The following ATP9A variants were observed in gnomAD, a reference collection of about 807,000 sequenced individuals.
ATP9A encodes ATPase phospholipid transporting 9A.
In ATP9A, 52 loss-of-function variants were observed where a neutral mutation model predicts 144.1. The ratio of observed to expected loss-of-function variants is 0.36; its 90% CI spans 0.29 to 0.45. ATP9A has a LOEUF of 0.45. Ranked by LOEUF, ATP9A falls within the 20% of genes least tolerant of loss-of-function variation. The pLI is 1.00. For missense variants in ATP9A, 947 were observed against 1,392.7 expected (o/e 0.68, Z 5.09); for synonymous variants, 582 against 557.4 (o/e 1.04, Z -0.62).
chr20:51,754,984 G>A (rs1323911338), intron 1 of ATP9A, among the ~76,000 whole-genome samples: 3 of 151,716 alleles, frequency 2.0e-5, no homozygotes, highest in African/African-American at 7.3e-5. Context: ...CAGGTATGGT[G>A]GCATACACCT....
chr20:51,727,248 C>G (rs2077718748), intron 2 of ATP9A, among the ~76,000 whole-genome samples: 1 of 151,014 alleles, frequency 6.6e-6, no homozygotes, highest in South Asian at 2.1e-4. Context: ...ACACTCCAGC[C>G]TGGGTGACAG....
intron 1 of ATP9A, among the ~76,000 whole-genome samples, chr20:51,765,714 C>T (rs1162703159): frequency 1.4e-5 from 2 of 146,496 alleles, no homozygotes; most frequent in African/African-American, 2.5e-5. Context: ...CCAGCACTTT[C>T]GGAGGCCAAG....
chr20:51,689,321 G>A (rs1437971414), intron 8 of ATP9A, among the ~76,000 whole-genome samples, 182 bp from the exon 9 acceptor site: 2 of 151,988 alleles, frequency 1.3e-5, no homozygotes, highest in African/African-American at 2.4e-5. Flanking sequence ...TACTGCCCTT[G>A]GGGTTTTCAT....
intron 1 of ATP9A, among the ~76,000 whole-genome samples, chr20:51,766,112 G>A (rs193122664): frequency 6.6e-6 from 1 of 152,246 alleles, no homozygotes; most frequent in East Asian, 1.9e-4. Flanking sequence ...TCACGCTAAT[G>A]ATCACTTTTG....
chr20:51,597,386 G>A lies in ATP9A; in HGVS notation c.*3825C>T, dbSNP rs888096369. The A allele has an allele frequency of 1.3e-5, 2 of 152,104 alleles. No individual in the cohort carries two copies. Among genetic ancestry groups the A allele is most frequent in the Non-Finnish European group, 2.9e-5 (2 of 68,028 alleles). 9.4% of individuals were successfully genotyped at this position (152,104 alleles called of 1,614,324 possible). On this transcript the variant is annotated 3_prime_UTR_variant, in exon 28 of 28. Coordinates refer to ENST00000338821, the MANE Select transcript of ATP9A (RefSeq NM_006045.3). ...CAAAAAAGCTGTACATTAAAAGAAG[G>A]GGGAGAAATAAAATGTGTTGTATTT...
intron 3 of ATP9A, among the ~76,000 whole-genome samples, chr20:51,724,878 A>C (rs923571440): frequency 6.6e-5 from 10 of 152,244 alleles, no homozygotes; most frequent in Non-Finnish European, 1.2e-4. Flanking sequence ...GTTAAAAAGA[A>C]AATGTGATCC....
At chr20:51,749,182 CCCA>C (rs2077821131) in intron 1 of ATP9A, among the ~76,000 whole-genome samples, 1 of 152,068 alleles carries the variant, frequency 6.6e-6, no homozygotes, top group Admixed American at 6.6e-5. Context: ...CAACACAGCC[CCCA>C]CATCTCAAAT....
Position 51,619,971 on chromosome 20 carries a change from G to C in ATP9A, c.2116-928C>G, listed in dbSNP as rs578049779. 4.6e-5 allele frequency among the ~76,000 whole-genome samples: 7 copies of C among 151,922 alleles called. No individual in the cohort carries two copies. In the South Asian group the frequency reaches 1.0e-3, roughly 23 times the overall value. Reference sequence around the variant, plus strand: ...TTTATTTCTCACAACGGCTCTATGAGGTGCCAAAAAGAAGAAGCTCTATTT... The same window carrying C: ...TTTATTTCTCACAACGGCTCTATGACGTGCCAAAAAGAAGAAGCTCTATTT... On this transcript the variant is annotated intron_variant, in intron 19 of 27. Coordinates refer to ENST00000338821, the MANE Select transcript of ATP9A (RefSeq NM_006045.3).
At chr20:51,673,029 T>G (rs369528275) in intron 11 of ATP9A, among the ~76,000 whole-genome samples, 2 of 152,352 alleles carry the variant, frequency 1.3e-5, no homozygotes, top group African/African-American at 2.4e-5. Context: ...ATTCTTTTGC[T>G]AATACAGGCC....
chr20:51,666,506 C>T (rs2077433433), intron 13 of ATP9A, among the ~76,000 whole-genome samples: 1 of 151,992 alleles, frequency 6.6e-6, no homozygotes, highest in Admixed American at 6.6e-5. Flanking sequence ...CATGGTGAAA[C>T]CCCGTCTCTA....
chr20:51,653,656 G>A (rs77263913), intron 14 of ATP9A, among the ~76,000 whole-genome samples: 2 of 152,088 alleles, frequency 1.3e-5, no homozygotes, highest in African/African-American at 2.4e-5. Flanking sequence ...GCATGGTGGC[G>A]CACTTCTGTA....
chr20:51,766,879 G>GT (rs1404678482), intron 1 of ATP9A, among the ~76,000 whole-genome samples: 1 of 151,960 alleles, frequency 6.6e-6, no homozygotes, highest in Non-Finnish European at 1.5e-5. Context: ...ACGCAAAACA[G>GT]AGAAGGGAGG....
intron 3 of ATP9A, among the ~76,000 whole-genome samples, chr20:51,720,425 C>A (rs2077683734): frequency 1.3e-5 from 2 of 152,206 alleles, no homozygotes; most frequent in Non-Finnish European, 2.9e-5. Flanking sequence ...GGTCTGGCAA[C>A]TCCTGGTCCC....
intron 14 of ATP9A, among the ~76,000 whole-genome samples, chr20:51,649,906 C>T (rs1003203234): frequency 1.5e-5 from 2 of 131,402 alleles, no homozygotes; most frequent in African/African-American, 5.3e-5. Context: ...GAGCGAGAAT[C>T]CGTCTCAAAA....
chr20:51,748,752 T>G (rs1297209202), intron 1 of ATP9A, among the ~76,000 whole-genome samples: 1 of 152,148 alleles, frequency 6.6e-6, no homozygotes, highest in Non-Finnish European at 1.5e-5. Flanking sequence ...GCACAAAGAC[T>G]TGTGTGACAT....
At chr20:51,721,962 A>G (rs2077691560) in intron 3 of ATP9A, among the ~76,000 whole-genome samples, 1 of 152,194 alleles carries the variant, frequency 6.6e-6, no homozygotes. Flanking sequence ...ATAGTCACCA[A>G]AACAGCATGG....
At chr20:51,717,815 A>G (rs572010853) in intron 3 of ATP9A, among the ~76,000 whole-genome samples, 2 of 152,172 alleles carry the variant, frequency 1.3e-5, no homozygotes, top group South Asian at 4.1e-4. Flanking sequence ...TTAGCCGAGC[A>G]TGGTGGCGCA....
Position 51,751,266 on chromosome 20 carries a change from T to G in ATP9A, c.68+17036A>C, listed in dbSNP as rs870965. Among the ~76,000 whole-genome samples the G allele has an allele frequency of 3.6e-3, 539 of 148,242 alleles. 4 individuals carry two copies. The highest frequency in any genetic ancestry group is 0.012 in the African/African-American group (498 of 40,440). The stretch of plus-strand genomic sequence containing the variant: ...AACGTTTCTGGGTTTTTTTTGTTTT[T>G]TTTTTTTTTTTTTGAGACAGCGTCA... On this transcript the variant is annotated intron_variant, in intron 1 of 27. Coordinates refer to ENST00000338821, the MANE Select transcript of ATP9A (RefSeq NM_006045.3).
intron 1 of ATP9A, among the ~76,000 whole-genome samples, chr20:51,760,469 G>A (rs1229510169): frequency 6.6e-6 from 1 of 152,132 alleles, no homozygotes; most frequent in Non-Finnish European, 1.5e-5. Flanking sequence ...GCTCACATCT[G>A]TAATCCCAGC....
Sources: gnomAD v4.1 joint callset for allele counts (sites outside exome capture counted in the v4.1 genomes callset) on GRCh38, gnomAD v4.1.1 for gene constraint, MANE v1.5 for transcripts, NCBI Gene and HGNC (gene_info 2026-07-23, HGNC 2026-07-21) for gene names.